The following TSPAN18 variants were observed in gnomAD, a reference collection of about 807,000 sequenced individuals.
The protein encoded by TSPAN18 is tetraspanin-18.
Under a neutral mutation model 27.3 loss-of-function variants are expected in TSPAN18, and 14 were observed. The observed-to-expected ratio is 0.51, with a 90% CI of 0.34 to 0.80. The LOEUF (loss-of-function observed/expected upper bound fraction) is 0.80, where lower values mean the gene tolerates loss of function less well. Ranked by LOEUF, TSPAN18 falls within the 30% of genes least tolerant of loss-of-function variation. The pLI, the probability that TSPAN18 is intolerant of heterozygous loss-of-function variation, is 0.01. For missense variants in TSPAN18, 268 were observed against 323.9 expected, an observed-to-expected ratio of 0.83 and a Z score of 1.32; for synonymous variants, 143 against 136.5, an observed-to-expected ratio of 1.05 and a Z score of -0.33.
rs541786131 is a variant in TSPAN18, at chr11:44,909,698, C to T, written c.64-7C>T. 20 of 1,606,436 alleles carry T rather than the reference C, an allele frequency of 1.2e-5. No homozygotes were observed. The highest frequency in any genetic ancestry group is 1.7e-4 in the Middle Eastern group (1 of 5,972). ...TCTCCTCCCAACTCCTCCACTGGCCCGAGCAGCTGGGCGGGGCCTGCCTGC... is the reference window on the plus strand; with the variant it reads ...TCTCCTCCCAACTCCTCCACTGGCCTGAGCAGCTGGGCGGGGCCTGCCTGC... On this transcript the variant is annotated splice_polypyrimidine_tract_variant and splice_region_variant and intron_variant, in intron 4 of 9. Coordinates refer to ENST00000520358, the MANE Select transcript of TSPAN18 (RefSeq NM_130783.5).
intron 2 of TSPAN18, among the ~76,000 whole-genome samples, chr11:44,827,420 A>C (rs1300520463): frequency 6.6e-6 from 1 of 152,176 alleles, no homozygotes; most frequent in Non-Finnish European, 1.5e-5. Flanking sequence ...GCCCTACCCA[A>C]GCCCAGGCCC....
rs76279243 is a variant in TSPAN18 at position 44,863,057 on chromosome 11, G to A, written c.-11+2588G>A. On this transcript the variant is annotated intron_variant, in intron 3 of 9. Coordinates refer to ENST00000520358, the MANE Select transcript of TSPAN18 (RefSeq NM_130783.5). ...CAGATTTTTAAGGGAGACGATCAAA[G>A]TCAAGACATCCAAGGTAAAGAATGG... is the stretch of plus-strand genomic sequence containing the variant. Among the ~76,000 whole-genome samples the A allele has an allele frequency of 1.4e-3, 212 of 152,312 alleles. 5 individuals carry two copies. The East Asian group carries it at 0.032, about 23-fold the overall frequency.
At chr11:44,827,712 G>T (rs912424985) in intron 2 of TSPAN18, among the ~76,000 whole-genome samples, 1 of 152,216 alleles carries the variant, frequency 6.6e-6, no homozygotes, top group Non-Finnish European at 1.5e-5. Flanking sequence ...CACTACAAAA[G>T]ATATCTTTCC....
chr11:44,895,782 G>GA (rs1157803759), intron 3 of TSPAN18, among the ~76,000 whole-genome samples: 1 of 152,190 alleles, frequency 6.6e-6, no homozygotes, highest in Non-Finnish European at 1.5e-5. Context: ...TCAGTGTCCA[G>GA]ACGGAGATGA....
chr11:44,791,795 C>A (rs1370642112), intron 2 of TSPAN18, among the ~76,000 whole-genome samples: 5 of 152,238 alleles, frequency 3.3e-5, no homozygotes, highest in Admixed American at 2.6e-4. Flanking sequence ...CTGGCTGTAG[C>A]ACTCAAGGCA....
At chr11:44,798,294 T>C (rs1325680093) in intron 2 of TSPAN18, among the ~76,000 whole-genome samples, 1 of 152,250 alleles carries the variant, frequency 6.6e-6, no homozygotes, top group East Asian at 1.9e-4. Flanking sequence ...GCAGCTTTCC[T>C]GCGTCTTTCA....
chr11:44,915,919 CCA>C (rs1443204054), intron 5 of TSPAN18, among the ~76,000 whole-genome samples: 1 of 152,156 alleles, frequency 6.6e-6, no homozygotes, highest in African/African-American at 2.4e-5. Context: ...CAGCTGGAGC[CCA>C]GTGAGACCTC....
intron 3 of TSPAN18, among the ~76,000 whole-genome samples, chr11:44,894,572 C>T (rs1212515779): frequency 1.3e-5 from 2 of 152,224 alleles, no homozygotes. Context: ...GGGGCTGAGC[C>T]GCCATCTGGG....
chr11:44,781,769 C>T (rs1247025487), intron 2 of TSPAN18, among the ~76,000 whole-genome samples: 1 of 152,128 alleles, frequency 6.6e-6, no homozygotes, highest in Admixed American at 6.6e-5. Flanking sequence ...TCCATTTTGA[C>T]CTTGTATATG....
chr11:44,728,438 C>A (rs922989625), intron 1 of TSPAN18, among the ~76,000 whole-genome samples: 1 of 152,114 alleles, frequency 6.6e-6, no homozygotes, highest in African/African-American at 2.4e-5. Context: ...CCTTTGTTTC[C>A]TGGATCTGGT....
At chr11:44,894,844 T>C (rs951287044) in intron 3 of TSPAN18, among the ~76,000 whole-genome samples, 1 of 152,160 alleles carries the variant, frequency 6.6e-6, no homozygotes, top group African/African-American at 2.4e-5. Flanking sequence ...CTTTGCAGAC[T>C]GGGGCACGGC....
At chr11:44,843,075 C>T (rs1234488488) in intron 2 of TSPAN18, among the ~76,000 whole-genome samples, 2 of 152,252 alleles carry the variant, frequency 1.3e-5, no homozygotes, top group African/African-American at 4.8e-5. Flanking sequence ...ATTTTATGAT[C>T]CTTCCATATA....
At chr11:44,771,776 G>A (rs1157179053) in intron 2 of TSPAN18, among the ~76,000 whole-genome samples, 2 of 152,242 alleles carry the variant, frequency 1.3e-5, no homozygotes, top group Non-Finnish European at 2.9e-5. Flanking sequence ...ACAGGAGGAT[G>A]TGCATAGGTT....
intron 2 of TSPAN18, among the ~76,000 whole-genome samples, chr11:44,838,658 C>T (rs1466605476): frequency 1.3e-5 from 2 of 152,020 alleles, no homozygotes; most frequent in African/African-American, 2.4e-5. Flanking sequence ...CTGGACTGGC[C>T]GCTGCTGGCT....
At chr11:44,913,063 G>A (rs1275407444) in intron 5 of TSPAN18, among the ~76,000 whole-genome samples, 2 of 152,252 alleles carry the variant, frequency 1.3e-5, no homozygotes, top group Non-Finnish European at 2.9e-5. Flanking sequence ...ACCTAACTGT[G>A]TGGTGGTTCC....
intron 2 of TSPAN18, among the ~76,000 whole-genome samples, chr11:44,808,348 G>A (rs75811827): frequency 6.6e-6 from 1 of 151,914 alleles, no homozygotes; most frequent in African/African-American, 2.4e-5. Flanking sequence ...GACCACAGCT[G>A]TGATGATGGA....
intron 1 of TSPAN18, among the ~76,000 whole-genome samples, chr11:44,750,746 A>G (rs928806478): frequency 6.6e-6 from 1 of 152,248 alleles, no homozygotes; most frequent in Non-Finnish European, 1.5e-5. Context: ...TGCCAGCTGC[A>G]TGTGAAACAT....
At chr11:44,853,458 CTG>C (rs1857653189) in intron 2 of TSPAN18, among the ~76,000 whole-genome samples, 1 of 152,204 alleles carries the variant, frequency 6.6e-6, no homozygotes, top group Non-Finnish European at 1.5e-5. Flanking sequence ...ACAATAATAA[CTG>C]TAATTGCTAT....
intron 2 of TSPAN18, among the ~76,000 whole-genome samples, chr11:44,772,912 C>T (rs1201031297): frequency 6.6e-6 from 1 of 152,038 alleles, no homozygotes; most frequent in Non-Finnish European, 1.5e-5. Flanking sequence ...CTGCCTCAGC[C>T]TCCCAAAGTG....
Sources: allele counts gnomAD v4.1 joint callset (sites outside exome capture counted in the v4.1 genomes callset), GRCh38; gene constraint gnomAD v4.1.1; transcripts MANE v1.5; gene names NCBI Gene and HGNC (gene_info 2026-07-23, HGNC 2026-07-21).